The following APBA1 variants were observed in gnomAD, a reference collection of about 807,000 sequenced individuals.
APBA1 encodes the protein amyloid beta precursor protein binding family A member 1.
A neutral mutation model predicts 86.6 loss-of-function variants in APBA1; 55 were observed. The observed-to-expected ratio is 0.64, with a 90% CI of 0.51 to 0.80. The LOEUF (loss-of-function observed/expected upper bound fraction) is 0.80, where lower values mean the gene tolerates loss of function less well. Ranked by LOEUF, APBA1 falls within the 30% of genes least tolerant of loss-of-function variation. The pLI is 0.00. For synonymous variants in APBA1, 511 were observed against 493.9 expected (o/e 1.03, Z -0.46); for missense variants, 1,090 against 1,183.0 (o/e 0.92, Z 1.15).
intron 1 of APBA1, among the ~76,000 whole-genome samples, chr9:69,665,538 C>T (rs764358683): frequency 1.3e-5 from 2 of 152,174 alleles, no homozygotes; most frequent in African/African-American, 2.4e-5. Flanking sequence ...ATCAATTCCT[C>T]TCCGTAAGTA....
At chr9:69,601,618 C>T (rs1386661168) in intron 1 of APBA1, among the ~76,000 whole-genome samples, 1 of 152,190 alleles carries the variant, frequency 6.6e-6, no homozygotes, top group African/African-American at 2.4e-5. Context: ...TGCAGAGTAA[C>T]AGATTCATAG....
intron 1 of APBA1, among the ~76,000 whole-genome samples, chr9:69,604,880 G>A (rs529139823): frequency 8.3e-4 from 103 of 123,638 alleles, no homozygotes; most frequent in African/African-American, 3.1e-3. Flanking sequence ...ACACATGTAC[G>A]CACATGAGGG....
At chr9:69,467,775 T>G in intron 5 of APBA1, 48 bp downstream of exon 5, 1 of 1,610,360 alleles carries the variant, frequency 6.2e-7, no homozygotes, top group Non-Finnish European at 8.5e-7. Flanking sequence ...ACTGCTCCAG[T>G]GCCTACACCA....
chr9:69,591,850 TA>T (rs1321168950), intron 1 of APBA1, among the ~76,000 whole-genome samples: 1 of 152,254 alleles, frequency 6.6e-6, no homozygotes, highest in African/African-American at 2.4e-5. Flanking sequence ...TGCATGTTAA[TA>T]AACTTTTGCA....
intron 1 of APBA1, among the ~76,000 whole-genome samples, chr9:69,636,874 A>AGAAAGAAGGAAG (rs1174591673): frequency 3.7e-5 from 3 of 81,698 alleles, no homozygotes; most frequent in Non-Finnish European, 8.1e-5. Context: ...GGAGAGAGAA[A>AGAAAGAAGGAAG]GAAAGAAGGA....
Position 69,457,725 on chromosome 9 carries a change from C to A in APBA1, c.1515+431G>T, listed in dbSNP as rs539748037. On this transcript the variant is annotated intron_variant, in intron 6 of 12. Transcript: ENST00000265381. ...CATAAGCACCTAGAAGCTCCACAAC[C>A]AAAAAGCGCAGTCTGGTTCATTTAG... 2.6e-5 allele frequency among the ~76,000 whole-genome samples: 4 copies of A among 152,284 alleles called. No homozygotes were observed. The East Asian group carries it at 7.7e-4, about 29-fold the overall frequency.
At chr9:69,488,654 G>GT (rs1404961999) in intron 2 of APBA1, among the ~76,000 whole-genome samples, 2 of 152,144 alleles carry the variant, frequency 1.3e-5, no homozygotes, top group Admixed American at 1.3e-4. Context: ...CGGGCAAGGG[G>GT]TGGAGAGGCC....
At chr9:69,660,956 C>T (rs915755341) in intron 1 of APBA1, among the ~76,000 whole-genome samples, 3 of 152,098 alleles carry the variant, frequency 2.0e-5, no homozygotes, top group East Asian at 1.9e-4. Context: ...AACTGAGGTC[C>T]GTGGGACAAA....
intron 10 of APBA1, among the ~76,000 whole-genome samples, chr9:69,446,500 T>A (rs1834910689): frequency 6.6e-6 from 1 of 152,220 alleles, no homozygotes; most frequent in South Asian, 2.1e-4. Flanking sequence ...TTTATAGACA[T>A]CAAAGTTCAG....
rs759268751 is a variant in APBA1, at chr9:69,449,614, C to T, written c.2151G>A (p.Leu717=). 6 of 1,613,934 alleles carry T rather than the reference C, an allele frequency of 3.7e-6. No individual in the cohort carries two copies. Among genetic ancestry groups the T allele is most frequent in the East Asian group, 2.2e-5 (1 of 44,874 alleles). The change falls in exon 10 of 13, where the codon CTG becomes CTA. Residue 717 remains leucine, a synonymous_variant. Coordinates refer to ENST00000265381, the MANE Select transcript of APBA1 (RefSeq NM_001163.4). ...TAATGCTCTGGCAGGTGGACAGAGGCAGGCCCACCAGGCTGGTGCCATTAA... is the reference window on the plus strand; with the variant it reads ...TAATGCTCTGGCAGGTGGACAGAGGTAGGCCCACCAGGCTGGTGCCATTAA... ...MSINGTSLVG[L]PLSTCQSIIK...
At chr9:69,593,714 TC>T (rs1822175969) in intron 1 of APBA1, among the ~76,000 whole-genome samples, 1 of 152,226 alleles carries the variant, frequency 6.6e-6, no homozygotes, top group African/African-American at 2.4e-5. Context: ...GTCAATTCTT[TC>T]ACATTCCCAT....
intron 1 of APBA1, among the ~76,000 whole-genome samples, chr9:69,589,224 G>C (rs1822080350): frequency 6.6e-6 from 1 of 152,164 alleles, no homozygotes; most frequent in Non-Finnish European, 1.5e-5. Flanking sequence ...CCAAAGTGCT[G>C]GGACTATAGG....
chr9:69,505,372 G>C (rs1360826886), intron 2 of APBA1, among the ~76,000 whole-genome samples: 1 of 152,050 alleles, frequency 6.6e-6, no homozygotes, highest in African/African-American at 2.4e-5. Context: ...ACTTCTAGAG[G>C]ATGAGGAAGT....
chr9:69,557,861 A>G (rs1033017068), intron 1 of APBA1, among the ~76,000 whole-genome samples: 2 of 152,290 alleles, frequency 1.3e-5, no homozygotes, highest in South Asian at 2.1e-4. Flanking sequence ...TTCCATTCTT[A>G]TAAATGATGT....
chr9:69,574,552 G>A (rs1310172479), intron 1 of APBA1, among the ~76,000 whole-genome samples: 2 of 152,160 alleles, frequency 1.3e-5, no homozygotes, highest in African/African-American at 4.8e-5. Flanking sequence ...TGGAGAAAGA[G>A]ATCCTGTGAG....
At chr9:69,568,487 C>T (rs918008690) in intron 1 of APBA1, among the ~76,000 whole-genome samples, 7 of 152,168 alleles carry the variant, frequency 4.6e-5, no homozygotes, top group African/African-American at 1.7e-4. Context: ...ATCACATTTA[C>T]GCCACCATGA....
chr9:69,466,455 T>G lies in APBA1; in HGVS notation c.1482+1368A>C, dbSNP rs1835281627. On this transcript the variant is annotated intron_variant, in intron 5 of 12. Transcript: ENST00000265381. ...CTTGGAATTGTTGGTCACTTACTGT[T>G]CCTTTCTACCTCTCAGGCAGAAGGC... Among the ~76,000 whole-genome samples the G allele has an allele frequency of 5.3e-5, 8 of 152,346 alleles. No homozygotes were observed. The South Asian group carries it at 1.4e-3, about 28-fold the overall frequency.
intron 2 of APBA1, among the ~76,000 whole-genome samples, chr9:69,500,666 G>T (rs998600415): frequency 6.6e-6 from 1 of 152,026 alleles, no homozygotes; most frequent in African/African-American, 2.4e-5. Context: ...TTAAACTCTG[G>T]TCCACAGCTT....
intron 2 of APBA1, among the ~76,000 whole-genome samples, chr9:69,511,456 C>T (rs895742370): frequency 6.6e-6 from 1 of 152,132 alleles, no homozygotes; most frequent in Non-Finnish European, 1.5e-5. Context: ...GAAATAGGAA[C>T]ACTTTTACAC....
Sources: allele counts gnomAD v4.1 joint callset (sites outside exome capture counted in the v4.1 genomes callset), GRCh38; gene constraint gnomAD v4.1.1; transcripts MANE v1.5; gene names NCBI Gene and HGNC (gene_info 2026-07-23, HGNC 2026-07-21).